Variants in SLC41A2 observed in about 807,000 individuals in gnomAD.
SLC41A2 encodes the protein solute carrier family 41 member 2.
A neutral mutation model predicts 58.3 loss-of-function variants in SLC41A2; 32 were observed. The observed-to-expected ratio is 0.55, with a 90% CI of 0.41 to 0.74. The LOEUF (loss-of-function observed/expected upper bound fraction) is 0.74, where lower values mean the gene tolerates loss of function less well. SLC41A2 is among the 30% of genes least tolerant of loss of function. The pLI, the probability that SLC41A2 is intolerant of heterozygous loss-of-function variation, is 0.00. For missense variants in SLC41A2, 514 were observed against 680.6 expected (o/e 0.76, Z 2.72); for synonymous variants, 190 against 235.0 (o/e 0.81, Z 1.75).
At chr12:104,834,563 A>G (rs1250547243) in intron 10 of SLC41A2, among the ~76,000 whole-genome samples, 5 of 152,196 alleles carry the variant, frequency 3.3e-5, no homozygotes, top group Non-Finnish European at 7.3e-5. Context: ...TGGTAGAATT[A>G]AATCCTGAGG....
chr12:104,874,627 T>C (rs1042301893), intron 6 of SLC41A2, among the ~76,000 whole-genome samples: 18 of 152,222 alleles, frequency 1.2e-4, no homozygotes, highest in African/African-American at 4.3e-4. Flanking sequence ...TTCCCAATTG[T>C]GTCTTCTTGG....
chr12:104,802,453 T>C lies in SLC41A2; in HGVS notation c.*2699A>G, dbSNP rs1483453733. ...CTACATCCCTTTTATAATCGGCGAA[T>C]TGGTGACTAATGTTTTTATTTTTTT... On this transcript the variant is annotated 3_prime_UTR_variant, in exon 11 of 11. Transcript: ENST00000258538. The C allele has an allele frequency of 6.6e-6, 1 of 152,052 alleles. No homozygotes were observed. Among genetic ancestry groups the C allele is most frequent in the Admixed American group, 6.5e-5 (1 of 15,276 alleles). The allele number at this position is 152,052 out of a possible 1,614,324, so 9.4% of individuals were successfully genotyped here. A position where few individuals can be genotyped will look rare whatever the true frequency, so the allele number is the denominator to read the frequency against.
chr12:104,808,589 G>T (rs2041030990), intron 10 of SLC41A2, among the ~76,000 whole-genome samples: 1 of 152,218 alleles, frequency 6.6e-6, no homozygotes, highest in African/African-American at 2.4e-5. Context: ...CATAAAATGA[G>T]TTAGGGAGGA....
intron 3 of SLC41A2, among the ~76,000 whole-genome samples, chr12:104,908,460 A>T (rs149106570): frequency 1.2e-3 from 187 of 152,298 alleles, no homozygotes; most frequent in Middle Eastern, 6.8e-3. Flanking sequence ...CCATTTCTTG[A>T]TTACCTTTAG....
At chr12:104,819,662 C>A (rs78733799) in intron 10 of SLC41A2, among the ~76,000 whole-genome samples, 2,744 of 152,240 alleles carry the variant, frequency 0.018, 103 homozygotes, top group African/African-American at 0.062. Flanking sequence ...CACTCAGCAT[C>A]CATTCTCACT....
intron 10 of SLC41A2, among the ~76,000 whole-genome samples, chr12:104,841,245 T>C (rs1321950411): frequency 6.6e-6 from 1 of 152,126 alleles, no homozygotes; most frequent in Non-Finnish European, 1.5e-5. Flanking sequence ...GTTTCATTTT[T>C]AATTGTTTTT....
chr12:104,870,684 G>A (rs2043724652), intron 6 of SLC41A2, among the ~76,000 whole-genome samples: 1 of 152,100 alleles, frequency 6.6e-6, no homozygotes, highest in Non-Finnish European at 1.5e-5. Context: ...TTGTGATCCA[G>A]TTTTCACATT....
At chr12:104,839,749 C>T (rs887442754) in intron 10 of SLC41A2, among the ~76,000 whole-genome samples, 1 of 152,096 alleles carries the variant, frequency 6.6e-6, no homozygotes, top group South Asian at 2.1e-4. Flanking sequence ...GTGATCCACC[C>T]GCCTCAGCCT....
intron 1 of SLC41A2, among the ~76,000 whole-genome samples, chr12:104,928,976 C>A (rs142732327): frequency 1.3e-5 from 2 of 152,220 alleles, no homozygotes; most frequent in African/African-American, 2.4e-5. Context: ...AGGTCTTCAA[C>A]TGCCTCTTGA....
At chr12:104,845,134 A>T (rs561367744) in intron 9 of SLC41A2, among the ~76,000 whole-genome samples, 7 of 151,476 alleles carry the variant, frequency 4.6e-5, no homozygotes, top group African/African-American at 1.2e-4. Flanking sequence ...AAATAAAGAT[A>T]AAAAAAAATT....
intron 4 of SLC41A2, among the ~76,000 whole-genome samples, chr12:104,892,361 C>T (rs2045050183): frequency 6.8e-6 from 1 of 148,006 alleles, no homozygotes; most frequent in Non-Finnish European, 1.5e-5. Flanking sequence ...TTGAAGAGGA[C>T]ACCAAAAAGT....
intron 1 of SLC41A2, among the ~76,000 whole-genome samples, chr12:104,945,534 A>G (rs1246293851): frequency 6.6e-6 from 1 of 152,084 alleles, no homozygotes; most frequent in Non-Finnish European, 1.5e-5. Context: ...AAAAGAAACC[A>G]CAAAAGATAC....
intron 1 of SLC41A2, among the ~76,000 whole-genome samples, chr12:104,957,465 A>C (rs1480083130): frequency 2.0e-5 from 3 of 152,188 alleles, no homozygotes; most frequent in Admixed American, 2.0e-4. Flanking sequence ...AACTCTGTGA[A>C]TATATTAAAA....
At chr12:104,857,095 G>A (rs973650080) in intron 8 of SLC41A2, among the ~76,000 whole-genome samples, 5 of 152,100 alleles carry the variant, frequency 3.3e-5, no homozygotes, top group Non-Finnish European at 7.4e-5. Flanking sequence ...TAAGTAAAAC[G>A]TATTTCAAAA....
At chr12:104,827,036 A>G (rs990815096) in intron 10 of SLC41A2, among the ~76,000 whole-genome samples, 2 of 152,224 alleles carry the variant, frequency 1.3e-5, no homozygotes, top group Non-Finnish European at 2.9e-5. Context: ...AATAGAGGGC[A>G]TATGTAGAAC....
intron 10 of SLC41A2, among the ~76,000 whole-genome samples, chr12:104,841,539 TATAG>T (rs1235762058): frequency 6.6e-6 from 1 of 151,994 alleles, no homozygotes; most frequent in African/African-American, 2.4e-5. Context: ...CAATAAATAT[TATAG>T]ATAATGTCGA....
chr12:104,871,789 T>C (rs1427259584), intron 6 of SLC41A2, among the ~76,000 whole-genome samples: 1 of 152,236 alleles, frequency 6.6e-6, no homozygotes, highest in Non-Finnish European at 1.5e-5. Context: ...ACATCTGTTT[T>C]GTATATGGCA....
chr12:104,902,111 T>G (rs2045592600), intron 3 of SLC41A2, among the ~76,000 whole-genome samples: 1 of 152,066 alleles, frequency 6.6e-6, no homozygotes, highest in Non-Finnish European at 1.5e-5. Context: ...ATGTAAAATG[T>G]TTAAAAGCAT....
chr12:104,910,998 G>A (rs1281377182), intron 2 of SLC41A2, among the ~76,000 whole-genome samples: 1 of 152,090 alleles, frequency 6.6e-6, no homozygotes, highest in Non-Finnish European at 1.5e-5. Context: ...CTACCTGGAG[G>A]CTTCATCTGC....
Sources: gnomAD v4.1 joint callset for allele counts (sites outside exome capture counted in the v4.1 genomes callset) on GRCh38, gnomAD v4.1.1 for gene constraint, MANE v1.5 for transcripts, NCBI Gene and HGNC (gene_info 2026-07-23, HGNC 2026-07-21) for gene names.